NRG1: variants seen among roughly 807,000 people sequenced by gnomAD.
NRG1 encodes the protein pro-neuregulin-1, membrane-bound isoform.
In NRG1, 18 loss-of-function variants were observed where a neutral mutation model predicts 63.8. That is an observed-to-expected ratio of 0.28 (90% CI 0.19 to 0.42). The LOEUF (loss-of-function observed/expected upper bound fraction) is 0.42, where lower values mean the gene tolerates loss of function less well. NRG1 is among the 10% of genes least tolerant of loss of function. The pLI, the probability that NRG1 is intolerant of heterozygous loss-of-function variation, is 1.00. For synonymous variants in NRG1, 302 were observed against 301.3 expected (o/e 1.00, Z -0.02); for missense variants, 762 against 814.7 (o/e 0.94, Z 0.79).
At chr8:32,364,006 A>G (rs1252407598) in intron 1 of NRG1, among the ~76,000 whole-genome samples, 2 of 151,704 alleles carry the variant, frequency 1.3e-5, no homozygotes, top group Admixed American at 1.3e-4. Flanking sequence ...TTTTAAGAGA[A>G]CAAAAAATGT....
intron 1 of NRG1, among the ~76,000 whole-genome samples, chr8:31,662,386 G>A (rs1806078692): frequency 6.6e-6 from 1 of 152,198 alleles, no homozygotes; most frequent in Admixed American, 6.5e-5. Context: ...GATGAATGAA[G>A]GACTGTGAAA....
chr8:32,254,583 T>C (rs10954835), intron 1 of NRG1, among the ~76,000 whole-genome samples: 98,874 of 151,960 alleles, frequency 0.65, 32,467 homozygotes, highest in Admixed American at 0.75. Context: ...CTGAGGAGTG[T>C]TTCACTTCCA....
At chr8:31,982,119 C>A (rs1417959192) in intron 1 of NRG1, among the ~76,000 whole-genome samples, 1 of 151,872 alleles carries the variant, frequency 6.6e-6, no homozygotes, top group Non-Finnish European at 1.5e-5. Flanking sequence ...GTAAAGGTGG[C>A]AGGATCATTT....
At chr8:32,193,031 G>A (rs577987977) in intron 1 of NRG1, among the ~76,000 whole-genome samples, 37 of 152,158 alleles carry the variant, frequency 2.4e-4, no homozygotes, top group African/African-American at 7.2e-4. Context: ...TCAGTGCCTG[G>A]TGCATATATA....
intron 1 of NRG1, among the ~76,000 whole-genome samples, chr8:32,454,335 T>C (rs1052994745): frequency 6.6e-6 from 1 of 152,186 alleles, no homozygotes; most frequent in Non-Finnish European, 1.5e-5. Context: ...TTAGAAACTT[T>C]TCTAAAAACA....
chr8:31,823,415 C>A (rs1194620371), intron 1 of NRG1, among the ~76,000 whole-genome samples: 2 of 151,946 alleles, frequency 1.3e-5, no homozygotes, highest in Admixed American at 6.6e-5. Context: ...AACTATAGTT[C>A]ACACAATTCA....
At chr8:31,777,510 G>A (rs751897393) in intron 1 of NRG1, among the ~76,000 whole-genome samples, 2 of 152,224 alleles carry the variant, frequency 1.3e-5, no homozygotes, top group African/African-American at 2.4e-5. Flanking sequence ...GGGGGAGCTG[G>A]CACTAGCCCT....
chr8:32,544,679 C>CTTTTTTT (rs755780220), upstream of NRG1, among the ~76,000 whole-genome samples: 34 of 80,464 alleles, frequency 4.2e-4, no homozygotes, highest in Non-Finnish European at 5.9e-4. Context: ...ATTTTTGTAT[C>CTTTTTTT]TTTTTTTTTT....
chr8:31,724,813 T>G (rs374467748), intron 1 of NRG1, among the ~76,000 whole-genome samples: 1 of 152,138 alleles, frequency 6.6e-6, no homozygotes, highest in Non-Finnish European at 1.5e-5. Context: ...CTGAATGAGA[T>G]GCATACAAAA....
At chr8:32,489,612 GA>G (rs1312464533) in intron 1 of NRG1, among the ~76,000 whole-genome samples, 1 of 152,100 alleles carries the variant, frequency 6.6e-6, no homozygotes, top group Non-Finnish European at 1.5e-5. Flanking sequence ...GAAGGACCCA[GA>G]GTTTGTGAGC....
At chr8:32,653,525 G>A (rs1490594722) in intron 5 of NRG1, among the ~76,000 whole-genome samples, 1 of 152,084 alleles carries the variant, frequency 6.6e-6, no homozygotes, top group African/African-American at 2.4e-5. Flanking sequence ...TTCACCATAT[G>A]GCACTATCTA....
chr8:31,930,602 C>T (rs781122149), intron 1 of NRG1, among the ~76,000 whole-genome samples: 15 of 152,020 alleles, frequency 9.9e-5, no homozygotes, highest in African/African-American at 3.4e-4. Context: ...TGTCTGGGAT[C>T]GGTGGATGTT....
chr8:31,785,180 G>A (rs1214621391), intron 1 of NRG1, among the ~76,000 whole-genome samples: 1 of 152,116 alleles, frequency 6.6e-6, no homozygotes, highest in African/African-American at 2.4e-5. Flanking sequence ...GATAAGACAG[G>A]CCAGTCAACA....
chr8:32,310,031 C>T (rs1185482616), intron 1 of NRG1, among the ~76,000 whole-genome samples: 3 of 152,194 alleles, frequency 2.0e-5, no homozygotes, highest in Admixed American at 6.5e-5. Flanking sequence ...TTCCCACAAG[C>T]GCGTGGCAGA....
chr8:32,343,314 C>T (rs1804314256), intron 1 of NRG1, among the ~76,000 whole-genome samples: 1 of 152,112 alleles, frequency 6.6e-6, no homozygotes, highest in Non-Finnish European at 1.5e-5. Context: ...TTAGTGTTTA[C>T]TAGAGAATAA....
rs35667122 is a variant in NRG1, at chr8:32,214,575, C to T, written c.38-381253C>T. ...GGAGGATCACTTGATCCCAGGGGTT[C>T]GAGGCTGCAGTGAGCTGTGATTGCA... On this transcript the variant is annotated intron_variant, in intron 1 of 10. Transcript: ENST00000519301. 8.5e-3 allele frequency among the ~76,000 whole-genome samples: 1,299 copies of T among 151,992 alleles called. 14 individuals are homozygous for T. Among genetic ancestry groups the T allele is most frequent in the Middle Eastern group, 0.017 (5 of 294 alleles).
At chr8:31,946,305 C>T (rs1802525844) in intron 1 of NRG1, among the ~76,000 whole-genome samples, 1 of 152,120 alleles carries the variant, frequency 6.6e-6, no homozygotes, top group Non-Finnish European at 1.5e-5. Context: ...AAAACCTGTA[C>T]TATAGATGAT....
intron 1 of NRG1, among the ~76,000 whole-genome samples, chr8:31,654,709 A>T (rs1013332852): frequency 1.3e-5 from 2 of 152,228 alleles, no homozygotes; most frequent in African/African-American, 2.4e-5. Context: ...AGGTTGAAGC[A>T]GGAGAATCGC....
At chr8:32,075,599 A>AT (rs1826375218) in intron 1 of NRG1, among the ~76,000 whole-genome samples, 1 of 152,168 alleles carries the variant, frequency 6.6e-6, no homozygotes, top group Admixed American at 6.5e-5. Context: ...TGCTATGTAA[A>AT]TAGTTGCCAT....
Sources: allele counts gnomAD v4.1 joint callset (sites outside exome capture counted in the v4.1 genomes callset), GRCh38; gene constraint gnomAD v4.1.1; transcripts MANE v1.5; gene names NCBI Gene and HGNC (gene_info 2026-07-23, HGNC 2026-07-21).